The following CDH2 variants were observed in gnomAD, a reference collection of about 807,000 sequenced individuals.
CDH2 encodes the protein cadherin 2, also known as cadherin-2.
CDH2 carries 17 observed loss-of-function variants against 92.0 expected under a neutral mutation model. The observed-to-expected ratio is 0.18, with a 90% confidence interval of 0.13 to 0.28. The LOEUF is 0.28. Ranked by LOEUF, CDH2 falls within the 10% of genes least tolerant of loss-of-function variation. The pLI is 1.00. For synonymous variants in CDH2, 419 were observed against 415.9 expected (o/e 1.01, Z -0.09); for missense variants, 862 against 1,133.1 (o/e 0.76, Z 3.44).
At position 27,951,108 on chromosome 18, in the gene CDH2, A is replaced by AAAC. The variant is rs2143848730; in HGVS notation, c.*1042_*1044dup. ...TTTTTTTTCCATTTTTTTTTTAAAA[A>AAAC]AACACACACTTAGTAGTGCCACCAG... On this transcript the variant is annotated 3_prime_UTR_variant, in exon 16 of 16. Coordinates refer to ENST00000269141, the MANE Select transcript of CDH2 (RefSeq NM_001792.5). The AAAC allele has an allele frequency of 6.6e-6, 1 of 152,176 alleles. No individual in the cohort carries two copies. The highest frequency in any genetic ancestry group is 2.1e-4 in the South Asian group (1 of 4,812). 9.4% of individuals were successfully genotyped at this position (152,176 alleles called of 1,614,324 possible).
intron 2 of CDH2, among the ~76,000 whole-genome samples, chr18:28,061,409 G>A (rs879065098): frequency 2.6e-5 from 4 of 152,088 alleles, no homozygotes; most frequent in Admixed American, 1.3e-4. Flanking sequence ...TTGGGAGGCC[G>A]AGACAGATAG....
intron 2 of CDH2, among the ~76,000 whole-genome samples, chr18:28,042,398 A>G (rs1022293487): frequency 1.3e-5 from 2 of 152,148 alleles, no homozygotes; most frequent in African/African-American, 2.4e-5. Flanking sequence ...TCTTTACAGA[A>G]TGGTATTATG....
chr18:28,016,421 T>TCTA (rs1443257995), intron 2 of CDH2, among the ~76,000 whole-genome samples: 11 of 152,248 alleles, frequency 7.2e-5, no homozygotes, highest in Admixed American at 5.2e-4. Context: ...CCTACTATAG[T>TCTA]AACATCTAGC....
chr18:28,125,369 T>C (rs1412241594), intron 2 of CDH2, among the ~76,000 whole-genome samples: 1 of 152,026 alleles, frequency 6.6e-6, no homozygotes. Flanking sequence ...AAAACTAATA[T>C]CTGCTGGCAG....
At position 27,934,912 on chromosome 18, in the gene CDH2, C is replaced by A. The variant is rs538571420; in HGVS notation, c.1152-1788G>T. On this transcript the variant is annotated intron_variant, in intron 6 of 6. Coordinates refer to the CDH2 transcript ENST00000675173. ...TTTTTATAACCCAAGACATAAAAAT[C>A]TAAATTCTTTAGCATACTACACAGG... Among the ~76,000 whole-genome samples, 7 of 152,256 alleles carry A rather than the reference C, an allele frequency of 4.6e-5. No homozygotes were observed. In the South Asian group the frequency reaches 1.5e-3, roughly 32 times the overall value.
chr18:28,093,425 A>C (rs1434021534), intron 2 of CDH2, among the ~76,000 whole-genome samples: 3 of 152,174 alleles, frequency 2.0e-5, no homozygotes, highest in Non-Finnish European at 1.5e-5. Flanking sequence ...CTTGTTTTTA[A>C]AATTCTGGGA....
chr18:28,119,999 C>T (rs1254751466), intron 2 of CDH2, among the ~76,000 whole-genome samples: 1 of 151,982 alleles, frequency 6.6e-6, no homozygotes, highest in Non-Finnish European at 1.5e-5. Context: ...ACAAAGTCAT[C>T]GTATCTTTCC....
At chr18:28,119,011 T>C (rs1315361135) in intron 2 of CDH2, among the ~76,000 whole-genome samples, 2 of 152,112 alleles carry the variant, frequency 1.3e-5, no homozygotes, top group African/African-American at 4.8e-5. Context: ...AAGGTTACTA[T>C]ACAATCCATT....
At chr18:28,161,649 G>C (rs1353832399) in intron 1 of CDH2, among the ~76,000 whole-genome samples, 7 of 150,358 alleles carry the variant, frequency 4.7e-5, no homozygotes, top group Non-Finnish European at 1.5e-5. Flanking sequence ...GAATAAGTCT[G>C]TCCTGACAGA....
chr18:28,016,838 G>C (rs932257260), intron 2 of CDH2, among the ~76,000 whole-genome samples: 2 of 151,998 alleles, frequency 1.3e-5, no homozygotes, highest in South Asian at 4.1e-4. Context: ...AGTAAATAGC[G>C]CATTAAAAAG....
rs1287861366 is a variant in CDH2, at chr18:28,166,165, T to TATATATATATATATATAC, written c.60+10797_60+10798insGTATATATATATATATAT. Among the ~76,000 whole-genome samples the TATATATATATATATATAC allele has an allele frequency of 1.1e-3, 147 of 138,078 alleles. 3 individuals are homozygous for TATATATATATATATATAC. The highest frequency in any genetic ancestry group is 2.2e-3 in the Admixed American group (30 of 13,944). 90.6% of individuals were successfully genotyped at this position (138,078 alleles called of 152,430 possible). On this transcript the variant is annotated intron_variant, in intron 1 of 15. Transcript: ENST00000269141. ...AGACACACTCATATATATATATATA[T>TATATATATATATATATAC]ATATATATGTCTGTATTTTAATTAT... is the stretch of plus-strand genomic sequence containing the variant.
intron 2 of CDH2, among the ~76,000 whole-genome samples, chr18:28,070,580 T>C (rs1195759300): frequency 1.3e-5 from 2 of 152,204 alleles, no homozygotes; most frequent in African/African-American, 4.8e-5. Context: ...TACATACAAC[T>C]AGCCTGTCCT....
intron 1 of CDH2, among the ~76,000 whole-genome samples, chr18:28,167,357 G>T (rs903341780): frequency 1.3e-5 from 2 of 152,016 alleles, no homozygotes; most frequent in Admixed American, 6.6e-5. Context: ...ATAAATGTGC[G>T]AGTGGCCTTT....
intron 2 of CDH2, among the ~76,000 whole-genome samples, chr18:28,026,713 A>G (rs2013562845): frequency 6.6e-6 from 1 of 152,186 alleles, no homozygotes; most frequent in Non-Finnish European, 1.5e-5. Flanking sequence ...AAAAACTAAA[A>G]AACAGTTGCA....
At chr18:28,138,257 T>G (rs1194905231) in intron 2 of CDH2, among the ~76,000 whole-genome samples, 2 of 152,014 alleles carry the variant, frequency 1.3e-5, no homozygotes, top group East Asian at 3.9e-4. Context: ...AGGTCTAACA[T>G]TTATGTTCAA....
intron 5 of CDH2, among the ~76,000 whole-genome samples, chr18:28,007,936 G>A (rs2012987804): frequency 1.3e-5 from 2 of 152,102 alleles, no homozygotes; most frequent in Admixed American, 1.3e-4. Context: ...GTTTCACCAT[G>A]TTGGCCAGGC....
intron 2 of CDH2, among the ~76,000 whole-genome samples, chr18:28,056,428 A>C (rs1031084254): frequency 6.6e-6 from 1 of 152,156 alleles, no homozygotes; most frequent in Non-Finnish European, 1.5e-5. Context: ...CTAGGAAACA[A>C]AGATTCTATG....
At chr18:28,170,550 T>A (rs761012791) in intron 1 of CDH2, among the ~76,000 whole-genome samples, 2 of 152,150 alleles carry the variant, frequency 1.3e-5, no homozygotes, top group Non-Finnish European at 2.9e-5. Flanking sequence ...TTTCACCGTG[T>A]TAGGCAGGAT....
chr18:28,129,784 G>A (rs982662504), intron 2 of CDH2, among the ~76,000 whole-genome samples: 8 of 152,086 alleles, frequency 5.3e-5, no homozygotes, highest in Admixed American at 1.3e-4. Context: ...AGCTGGGATC[G>A]TACATTTATC....
Sources: allele counts gnomAD v4.1 joint callset (sites outside exome capture counted in the v4.1 genomes callset), GRCh38; gene constraint gnomAD v4.1.1; transcripts MANE v1.5; gene names NCBI Gene and HGNC (gene_info 2026-07-23, HGNC 2026-07-21).